The following LHFPL2 variants were observed in gnomAD, a reference collection of about 807,000 sequenced individuals.
The protein encoded by LHFPL2 is LHFPL tetraspan subfamily member 2 protein.
LHFPL2 carries 7 observed loss-of-function variants against 17.5 expected under a neutral mutation model. The ratio of observed to expected loss-of-function variants is 0.40; its 90% CI spans 0.23 to 0.75. The LOEUF (loss-of-function observed/expected upper bound fraction) is 0.75. Among genes scored for constraint, LHFPL2 ranks in the 30% least tolerant of loss-of-function variants. The pLI, the probability that LHFPL2 is intolerant of heterozygous loss-of-function variation, is 0.37. For missense variants in LHFPL2, 241 were observed against 294.8 expected, an observed-to-expected ratio of 0.82 and a Z score of 1.34; for synonymous variants, 134 against 116.2, an observed-to-expected ratio of 1.15 and a Z score of -0.99.
At chr5:78,496,535 G>A (rs1418024636) in intron 4 of LHFPL2, among the ~76,000 whole-genome samples, 8 of 152,284 alleles carry the variant, frequency 5.3e-5, no homozygotes, top group South Asian at 2.1e-4. Context: ...AGAGGGCTGT[G>A]GATCTAGCTA....
At chr5:78,531,026 G>A (rs2112357626) in intron 3 of LHFPL2, among the ~76,000 whole-genome samples, 1 of 152,252 alleles carries the variant, frequency 6.6e-6, no homozygotes, top group South Asian at 2.1e-4. Flanking sequence ...GCATAGAGTA[G>A]GACTCAGCAG....
chr5:78,636,172 CA>C (rs1745443178), intron 1 of LHFPL2, among the ~76,000 whole-genome samples: 1 of 152,150 alleles, frequency 6.6e-6, no homozygotes, highest in Non-Finnish European at 1.5e-5. Flanking sequence ...AAGAGTGCCC[CA>C]CACTCCACCC....
chr5:78,510,316 G>T lies in LHFPL2; in HGVS notation c.-103C>A. ...CGGGCGGCCCGGGAAGGAAGTCGCAGCTGCAGTCATTCACTCCCGCCGCCG... is the reference window on the plus strand; with the variant it reads ...CGGGCGGCCCGGGAAGGAAGTCGCATCTGCAGTCATTCACTCCCGCCGCCG... On this transcript the variant is annotated 5_prime_UTR_variant, in exon 4 of 5. In the 5' UTR this introduces an upstream ATG that the reference lacks. Coordinates refer to ENST00000380345, the MANE Select transcript of LHFPL2 (RefSeq NM_005779.3). 2 of 1,169,038 alleles carry T rather than the reference G, an allele frequency of 1.7e-6. No homozygotes were observed. The highest frequency in any genetic ancestry group is 2.4e-6 in the Non-Finnish European group (2 of 842,350). 72.4% of individuals were successfully genotyped at this position (1,169,038 alleles called of 1,614,324 possible). A position where few individuals can be genotyped will look rare whatever the true frequency, so the allele number is the denominator to read the frequency against.
At chr5:78,533,393 T>C (rs1353982884) in intron 3 of LHFPL2, among the ~76,000 whole-genome samples, 1 of 152,218 alleles carries the variant, frequency 6.6e-6, no homozygotes, top group Non-Finnish European at 1.5e-5. Flanking sequence ...CTTAGAAGAC[T>C]TATGACAAAT....
intron 3 of LHFPL2, among the ~76,000 whole-genome samples, chr5:78,537,901 A>T (rs6876524): frequency 0.014 from 2,208 of 152,302 alleles, 40 homozygotes; most frequent in African/African-American, 0.051. Context: ...CTTTTAGGGG[A>T]AACCTGGAAA....
intron 2 of LHFPL2, chr5:78,626,348 G>C (rs1289712860): frequency 1.3e-5 from 2 of 152,268 alleles, no homozygotes; most frequent in African/African-American, 4.8e-5. Flanking sequence ...AGGCACTGAA[G>C]TGCAGCCAAC....
At chr5:78,502,560 A>C (rs186622312) in intron 4 of LHFPL2, among the ~76,000 whole-genome samples, 2 of 152,350 alleles carry the variant, frequency 1.3e-5, no homozygotes, top group Admixed American at 1.3e-4. Context: ...TACGTTCTCC[A>C]TAAGTTATTC....
At position 78,608,793 on chromosome 5, in the gene LHFPL2, G is replaced by A. The variant is rs540152097; in HGVS notation, c.-245+23471C>T. Among the ~76,000 whole-genome samples, 6 of 152,126 alleles carry A rather than the reference G, an allele frequency of 3.9e-5. No individual in the cohort carries two copies. The South Asian group carries it at 8.3e-4, about 21-fold the overall frequency. ...AAAAAATACAAAAAATTAGCCGGGC[G>A]CGGTGGCGGGCGCCTGTGGTCCCAG... On this transcript the variant is annotated intron_variant, in intron 2 of 4. Transcript: ENST00000380345.
intron 2 of LHFPL2, among the ~76,000 whole-genome samples, chr5:78,584,160 T>C (rs911438791): frequency 1.3e-5 from 2 of 150,040 alleles, no homozygotes; most frequent in African/African-American, 4.9e-5. Flanking sequence ...TTCTCTGTAT[T>C]GGTTATTCTA....
chr5:78,608,645 T>G (rs1006261643), intron 2 of LHFPL2, among the ~76,000 whole-genome samples: 3 of 151,244 alleles, frequency 2.0e-5, no homozygotes, highest in Admixed American at 6.6e-5. Context: ...TAAAATACAT[T>G]AGAGAGGCTG....
chr5:78,564,828 G>A lies in LHFPL2; in HGVS notation c.-201C>T, dbSNP rs1377749226. Reference sequence around the variant, plus strand: ...ATTTACTTACCTATTTATATCTGTAGGAATGCTGGGAAGTCTTAATGAACA... The same window carrying A: ...ATTTACTTACCTATTTATATCTGTAAGAATGCTGGGAAGTCTTAATGAACA... On this transcript the variant is annotated 5_prime_UTR_variant, in exon 3 of 5. Coordinates refer to ENST00000380345, the MANE Select transcript of LHFPL2 (RefSeq NM_005779.3). The A allele has an allele frequency of 6.6e-6, 1 of 152,090 alleles. No individual in the cohort carries two copies. Among genetic ancestry groups the A allele is most frequent in the African/African-American group, 2.4e-5 (1 of 41,408 alleles). The allele number at this position is 152,090 out of a possible 1,614,324, so 9.4% of individuals were successfully genotyped here. A position where few individuals can be genotyped will look rare whatever the true frequency, so the allele number is the denominator to read the frequency against.
At chr5:78,647,932 C>A (rs1007758403) in intron 1 of LHFPL2, among the ~76,000 whole-genome samples, 6 of 152,184 alleles carry the variant, frequency 3.9e-5, no homozygotes, top group Admixed American at 1.3e-4. Flanking sequence ...CAGATGCGGT[C>A]TTCCCCACTC....
intron 2 of LHFPL2, among the ~76,000 whole-genome samples, chr5:78,592,141 C>T (rs116749602): frequency 1.9e-3 from 285 of 152,284 alleles, no homozygotes; most frequent in African/African-American, 6.4e-3. Flanking sequence ...CAACATGGAC[C>T]TACAATGAGG....
chr5:78,562,415 G>A (rs1756752263), intron 3 of LHFPL2, among the ~76,000 whole-genome samples: 2 of 152,048 alleles, frequency 1.3e-5, no homozygotes, highest in Non-Finnish European at 2.9e-5. Flanking sequence ...TTCATATAAT[G>A]CGACTGACTA....
At chr5:78,608,549 A>G (rs1323281289) in intron 2 of LHFPL2, among the ~76,000 whole-genome samples, 1 of 151,636 alleles carries the variant, frequency 6.6e-6, no homozygotes, top group African/African-American at 2.4e-5. Context: ...AACATTCATC[A>G]TTAAACTTCT....
chr5:78,513,583 C>G (rs1580762752), intron 3 of LHFPL2, among the ~76,000 whole-genome samples: 1 of 152,298 alleles, frequency 6.6e-6, no homozygotes, highest in South Asian at 2.1e-4. Context: ...GCACCCAAAT[C>G]TCATCTTGAA....
At chr5:78,542,378 C>T (rs576714072) in intron 3 of LHFPL2, among the ~76,000 whole-genome samples, 411 of 152,238 alleles carry the variant, frequency 2.7e-3, no homozygotes, top group Non-Finnish European at 4.3e-3. Flanking sequence ...TCCCCTTTGT[C>T]GAATCCACAA....
chr5:78,577,763 C>A (rs907111897), intron 2 of LHFPL2, among the ~76,000 whole-genome samples: 10 of 151,040 alleles, frequency 6.6e-5, no homozygotes, highest in African/African-American at 2.4e-4. Context: ...ACTTTCTAAA[C>A]GAGAAAAAGA....
chr5:78,543,754 G>C (rs1431996515), intron 3 of LHFPL2, among the ~76,000 whole-genome samples: 1 of 152,232 alleles, frequency 6.6e-6, no homozygotes. Flanking sequence ...GGAACACACA[G>C]CTGGAGGACT....
Sources: allele counts gnomAD v4.1 joint callset (sites outside exome capture counted in the v4.1 genomes callset), GRCh38; gene constraint gnomAD v4.1.1; transcripts MANE v1.5; gene names NCBI Gene and HGNC (gene_info 2026-07-23, HGNC 2026-07-21).